Variants in LYST observed in about 807,000 individuals in gnomAD.
LYST encodes lysosomal trafficking regulator, also known as lysosomal-trafficking regulator.
LYST carries 192 observed loss-of-function variants against 413.6 expected under a neutral mutation model. The observed-to-expected ratio is 0.46, with a 90% confidence interval of 0.41 to 0.52. The LOEUF is 0.52. Ranked by LOEUF, LYST falls within the 20% of genes least tolerant of loss-of-function variation. The pLI is 0.00. For synonymous variants in LYST, 1,525 were observed against 1,567.3 expected (o/e 0.97, Z 0.64); for missense variants, 3,815 against 4,499.9 (o/e 0.85, Z 4.35).
intron 3 of LYST, among the ~76,000 whole-genome samples, chr1:235,816,457 T>TAAAAA (rs1231395765): frequency 2.3e-4 from 24 of 103,388 alleles, no homozygotes; most frequent in African/African-American, 1.1e-3. Flanking sequence ...AATAAATAAA[T>TAAAAA]AAAAAATAAA....
At chr1:235,789,661 C>T (rs564764706) in intron 12 of LYST, among the ~76,000 whole-genome samples, 78 of 151,948 alleles carry the variant, frequency 5.1e-4, no homozygotes, top group African/African-American at 1.6e-3. Context: ...AAACCATGAC[C>T]GATGTTAAAA....
intron 1 of LYST, among the ~76,000 whole-genome samples, chr1:235,852,282 C>A (rs1464091351): frequency 6.6e-6 from 1 of 152,168 alleles, no homozygotes; most frequent in Non-Finnish European, 1.5e-5. Context: ...ACTTGAATTG[C>A]TAGCAATATG....
At chr1:235,842,953 C>T (rs996166496) in intron 1 of LYST, among the ~76,000 whole-genome samples, 1 of 152,148 alleles carries the variant, frequency 6.6e-6, no homozygotes, top group African/African-American at 2.4e-5. Flanking sequence ...AACTACTACA[C>T]CCGCCCCTCA....
intron 46 of LYST, among the ~76,000 whole-genome samples, chr1:235,696,133 C>T (rs1279889538): frequency 6.6e-6 from 1 of 152,174 alleles, no homozygotes; most frequent in Non-Finnish European, 1.5e-5. Flanking sequence ...GGTATGCATC[C>T]TCTCTTATTT....
At chr1:235,784,092 T>G (rs1670156437) in intron 14 of LYST, among the ~76,000 whole-genome samples, 1 of 152,056 alleles carries the variant, frequency 6.6e-6, no homozygotes, top group Non-Finnish European at 1.5e-5. Flanking sequence ...GTTGCCCAGG[T>G]TGGTCTTGAA....
At chr1:235,734,430 T>C (rs1664642648) in intron 32 of LYST, 53 bp downstream of exon 32, 1 of 1,391,108 alleles carries the variant, frequency 7.2e-7, no homozygotes, top group African/African-American at 1.4e-5. Flanking sequence ...TGTCAATCAT[T>C]CTTTATCTAT....
intron 3 of LYST, among the ~76,000 whole-genome samples, chr1:235,819,527 G>A (rs1674522933): frequency 6.6e-6 from 1 of 152,110 alleles, no homozygotes; most frequent in African/African-American, 2.4e-5. Flanking sequence ...ACATCCAAGT[G>A]GGAAGTTCCC....
intron 1 of LYST, among the ~76,000 whole-genome samples, chr1:235,851,167 AGTAT>A (rs1678480821): frequency 6.8e-6 from 1 of 146,440 alleles, no homozygotes; most frequent in African/African-American, 2.5e-5. Context: ...GTGGTATGTA[AGTAT>A]GTATGTATAT....
intron 31 of LYST, chr1:235,738,141 C>T: frequency 6.2e-7 from 1 of 1,608,604 alleles, no homozygotes; most frequent in Non-Finnish European, 8.5e-7. Context: ...GGCAGGCGAA[C>T]TTGCTCTTGT....
chr1:235,792,293 C>T (rs928271886), intron 11 of LYST, among the ~76,000 whole-genome samples, 168 bp from the exon 12 acceptor site: 4 of 151,984 alleles, frequency 2.6e-5, no homozygotes, highest in African/African-American at 9.7e-5. Flanking sequence ...TTTCTCGTAG[C>T]TGAGATAAAA....
At chr1:235,863,907 C>T (rs1442527153) in intron 1 of LYST, among the ~76,000 whole-genome samples, 1 of 152,136 alleles carries the variant, frequency 6.6e-6, no homozygotes, top group African/African-American at 2.4e-5. Context: ...TTGTAAAATC[C>T]AGTATTAGCA....
intron 42 of LYST, chr1:235,713,150 T>G: frequency 1.0e-6 from 1 of 984,548 alleles, no homozygotes; most frequent in Non-Finnish European, 1.2e-6. Context: ...TTGAGTCAAT[T>G]GGCATTGGCT....
At chr1:235,808,334 A>G in intron 5 of LYST, 121 bp downstream of exon 5, 1 of 785,380 alleles carries the variant, frequency 1.3e-6, no homozygotes, top group Non-Finnish European at 2.1e-6. Flanking sequence ...AAAGCCCTGG[A>G]GATATCAGTG....
At chr1:235,753,802 C>T (rs547821564) in intron 25 of LYST, among the ~76,000 whole-genome samples, 1 of 152,180 alleles carries the variant, frequency 6.6e-6, no homozygotes, top group Non-Finnish European at 1.5e-5. Flanking sequence ...CTTCTCAAGG[C>T]TATTGTGAGA....
At chr1:235,687,153 A>T (rs1026796527) in intron 47 of LYST, 106 bp from the exon 48 acceptor site, 2 of 824,854 alleles carry the variant, frequency 2.4e-6, no homozygotes, top group East Asian at 2.8e-5. Flanking sequence ...TTTTCTGACA[A>T]CTATTTTTTT....
At position 235,830,381 on chromosome 1, in the gene LYST, G is replaced by A. The variant is rs774025834; in HGVS notation, c.37C>T (p.Leu13=). Residue 13 remains leucine (L), a synonymous_variant, in exon 3 of 53, where the codon CTG becomes TTG. Transcript: ENST00000389793. ...TDSNSLAREF[L]TDVNRLCNAV... ...TTGCAAAGCCGGTTGACATCGGTCA[G>A]AAATTCACGTGCCAGTGAGTTACTG... 1.2e-6 allele frequency: 2 copies of A among 1,613,640 alleles called. No homozygotes were observed. The highest frequency in any genetic ancestry group is 4.5e-5 in the East Asian group (2 of 44,856).
At chr1:235,846,825 C>A (rs1261489071) in intron 1 of LYST, among the ~76,000 whole-genome samples, 3 of 151,700 alleles carry the variant, frequency 2.0e-5, no homozygotes, top group Non-Finnish European at 2.9e-5. Context: ...CCAACAAAGA[C>A]AAAGAAAAAA....
intron 1 of LYST, among the ~76,000 whole-genome samples, chr1:235,835,220 A>G (rs10926838): frequency 0.51 from 76,530 of 151,444 alleles, 22,710 homozygotes; most frequent in African/African-American, 0.83. Context: ...CCCAGCCCAT[A>G]GAGATATTTT....
At chr1:235,735,384 C>T (rs1664731856) in intron 31 of LYST, 1 of 152,076 alleles carries the variant, frequency 6.6e-6, no homozygotes, top group Admixed American at 6.5e-5. Context: ...ATGTATGTAT[C>T]CATGGCAGAG....
Sources: gnomAD v4.1 joint callset for allele counts (sites outside exome capture counted in the v4.1 genomes callset) on GRCh38, gnomAD v4.1.1 for gene constraint, MANE v1.5 for transcripts, NCBI Gene and HGNC (gene_info 2026-07-23, HGNC 2026-07-21) for gene names.